Variants in TEX11 observed in about 807,000 individuals in gnomAD.
TEX11 encodes testis expressed 11, also known as testis-expressed protein 11.
In TEX11, 7 loss-of-function variants were observed where a neutral mutation model predicts 84.4. The observed-to-expected ratio is 0.08, with a 90% CI of 0.05 to 0.16. The LOEUF is 0.16. Ranked by LOEUF, TEX11 falls within the 10% of genes least tolerant of loss-of-function variation. The pLI is 1.00. For missense variants in TEX11, 551 were observed against 660.5 expected, an observed-to-expected ratio of 0.83 and a Z score of 1.82; for synonymous variants, 264 against 222.8, an observed-to-expected ratio of 1.18 and a Z score of -1.64.
At chrX:70,826,131 C>A (rs1444201774) in intron 8 of TEX11, among the ~76,000 whole-genome samples, 1 of 110,229 alleles carries the variant, frequency 9.1e-6, no homozygotes, top group Non-Finnish European at 1.9e-5. Flanking sequence ...TAATGAAACC[C>A]CCCCAACGTC....
intron 20 of TEX11, among the ~76,000 whole-genome samples, chrX:70,619,982 G>A (rs758122876): frequency 3.7e-5 from 4 of 109,449 alleles, no homozygotes; most frequent in Non-Finnish European, 7.6e-5. Context: ...CTGCCACCAC[G>A]CCCAGCTAAT....
intron 9 of TEX11, among the ~76,000 whole-genome samples, chrX:70,748,825 C>T (rs2090788762): frequency 1.1e-5 from 1 of 94,081 alleles, no homozygotes; most frequent in South Asian, 5.8e-4. Context: ...TTACTGTAGC[C>T]TTGTAGTATA....
intron 16 of TEX11, among the ~76,000 whole-genome samples, chrX:70,656,557 G>A (rs748619671): frequency 8.9e-6 from 1 of 111,905 alleles, no homozygotes; most frequent in African/African-American, 3.2e-5. Flanking sequence ...CACAGACAGC[G>A]TTTATAACAA....
the TEX11 span, among the ~76,000 whole-genome samples, chrX:70,519,251 G>C: frequency 6.3e-5 from 7 of 111,659 alleles, no homozygotes; most frequent in East Asian, 1.7e-3. Flanking sequence ...TGGCTGGTAC[G>C]GGTTGTTCCT....
chrX:70,806,664 T>C, intron 9 of TEX11, 41 bp downstream of exon 9: 1 of 935,513 alleles, frequency 1.1e-6, no homozygotes, highest in Non-Finnish European at 1.5e-6. Flanking sequence ...ACATCTATGA[T>C]AATATTCCCG....
intron 7 of TEX11, among the ~76,000 whole-genome samples, chrX:70,836,683 G>C (rs763969307): frequency 6.3e-5 from 7 of 111,935 alleles, no homozygotes; most frequent in Non-Finnish European, 1.3e-4. Flanking sequence ...ATGCTGTCAA[G>C]GATGCAAAGA....
At chrX:70,531,841 T>G (rs2087892421) in intron 28 of TEX11, among the ~76,000 whole-genome samples, 1 of 111,930 alleles carries the variant, frequency 8.9e-6, no homozygotes, top group Admixed American at 9.5e-5. Context: ...ATATAGATAT[T>G]CAGAGAAAGA....
chrX:70,666,098 C>T (rs1179528598), intron 16 of TEX11, among the ~76,000 whole-genome samples: 1 of 111,562 alleles, frequency 9.0e-6, no homozygotes, highest in African/African-American at 3.3e-5. Context: ...TGGTCTCTGT[C>T]CTCAAGGAGG....
chrX:70,806,672 C>A (rs1487038273), intron 9 of TEX11, 33 bp downstream of exon 9: 3 of 980,756 alleles, frequency 3.1e-6, no homozygotes, highest in Non-Finnish European at 2.9e-6. Flanking sequence ...GATAATATTC[C>A]CGAGTTTACA....
chrX:70,781,693 G>C (rs759269182), intron 9 of TEX11, among the ~76,000 whole-genome samples: 3 of 111,775 alleles, frequency 2.7e-5, no homozygotes, highest in African/African-American at 9.8e-5. Flanking sequence ...TAGCTGATTC[G>C]ATCAAGTGGA....
chrX:70,837,993 A>C (rs977978845), intron 7 of TEX11, among the ~76,000 whole-genome samples: 1 of 112,571 alleles, frequency 8.9e-6, no homozygotes, highest in Non-Finnish European at 1.9e-5. Flanking sequence ...TCCTGGTTTT[A>C]TATTGCACTA....
At position 70,849,782 on chromosome X, in the gene TEX11, T is replaced by A. The variant is rs146602094; in HGVS notation, c.525+3252A>T. Among the ~76,000 whole-genome samples, 169 of 112,290 alleles carry A rather than the reference T, an allele frequency of 1.5e-3. 6 individuals carry two copies. In the East Asian group the frequency reaches 0.046, roughly 30 times the overall value. On this transcript the variant is annotated intron_variant, in intron 7 of 29. Transcript: ENST00000374333. ...CTTATCAAAGTCAAGAATTATATAG[T>A]TCTCATTACTGATTATAACAACTAA... is the stretch of plus-strand genomic sequence containing the variant.
At chrX:70,631,433 T>A (rs1206735411) in intron 17 of TEX11, among the ~76,000 whole-genome samples, 1 of 111,933 alleles carries the variant, frequency 8.9e-6, no homozygotes, top group Non-Finnish European at 1.9e-5. Context: ...AATTGGAAAG[T>A]ATTTGGAACC....
intron 16 of TEX11, among the ~76,000 whole-genome samples, chrX:70,652,133 G>T (rs1680580972): frequency 9.0e-6 from 1 of 110,769 alleles, no homozygotes; most frequent in Admixed American, 9.7e-5. Flanking sequence ...TGGGGTGGAG[G>T]GAAACAATCC....
At chrX:70,594,998 C>G (rs1011932776) in intron 24 of TEX11, among the ~76,000 whole-genome samples, 1 of 111,562 alleles carries the variant, frequency 9.0e-6, no homozygotes, top group Non-Finnish European at 1.9e-5. Flanking sequence ...TATAGTAACT[C>G]TAATCTACAG....
intron 8 of TEX11, among the ~76,000 whole-genome samples, chrX:70,818,039 A>T (rs1358015394): frequency 3.6e-5 from 4 of 111,638 alleles, no homozygotes; most frequent in African/African-American, 1.3e-4. Flanking sequence ...CTGTAATCCC[A>T]GCACTTTGGA....
At chrX:70,565,543 C>A (rs1017585914) in intron 25 of TEX11, among the ~76,000 whole-genome samples, 1 of 111,235 alleles carries the variant, frequency 9.0e-6, no homozygotes, top group Admixed American at 9.6e-5. Flanking sequence ...TTAGGTCTAA[C>A]GTTTAAGTCT....
At chrX:70,800,978 G>A (rs1383549691) in intron 9 of TEX11, among the ~76,000 whole-genome samples, 1 of 111,451 alleles carries the variant, frequency 9.0e-6, no homozygotes, top group Non-Finnish European at 1.9e-5. Flanking sequence ...ATTATTTATT[G>A]TAAGGAAAAC....
At chrX:70,905,670 A>G (rs2091825392) in intron 2 of TEX11, among the ~76,000 whole-genome samples, 1 of 111,036 alleles carries the variant, frequency 9.0e-6, no homozygotes, top group Non-Finnish European at 1.9e-5. Context: ...AGGAGACTGA[A>G]TGAATAAATT....
Sources: allele counts gnomAD v4.1 joint callset (sites outside exome capture counted in the v4.1 genomes callset), GRCh38; gene constraint gnomAD v4.1.1; transcripts MANE v1.5; gene names NCBI Gene and HGNC (gene_info 2026-07-23, HGNC 2026-07-21).